ERCC4: variants seen among roughly 807,000 people sequenced by gnomAD.
ERCC4 encodes the protein ERCC excision repair 4, endonuclease catalytic subunit.
In ERCC4, 65 loss-of-function variants were observed where a neutral mutation model predicts 76.9. That is an observed-to-expected ratio of 0.84 (90% CI 0.69 to 1.04). ERCC4 has a LOEUF of 1.04. Ranked by LOEUF, ERCC4 falls within the 50% of genes least tolerant of loss-of-function variation. The probability of loss-of-function intolerance (pLI) is 0.00; values close to 1 mark genes in which losing one functional copy is unlikely to be tolerated. For synonymous variants in ERCC4, 463 were observed against 410.1 expected, an observed-to-expected ratio of 1.13 and a Z score of -1.56; for missense variants, 1,214 against 1,128.2, an observed-to-expected ratio of 1.08 and a Z score of -1.09.
intron 8 of ERCC4, 62 bp downstream of exon 8, chr16:13,935,805 A>C (rs994335643): frequency 3.3e-6 from 4 of 1,197,502 alleles, no homozygotes; most frequent in Admixed American, 1.7e-5. Context: ...CCCAGAAACT[A>C]TACCAGTTGC....
chr16:13,932,371 G>C, intron 6 of ERCC4, 86 bp downstream of exon 6: 1 of 1,266,260 alleles, frequency 7.9e-7, no homozygotes, highest in East Asian at 2.3e-5. Context: ...AGTCTTCTTT[G>C]GCCATGTGAA....
rs180762894 is a variant in ERCC4, at chr16:13,951,518, T to C, written c.*3171T>C. On this transcript the variant is annotated 3_prime_UTR_variant, in exon 11 of 11. Transcript: ENST00000311895. ...AAATATTATCCTTTTGGCAGTAAGC[T>C]ATTACTAATTCAGCCTGAAGCTCGG... The C allele has an allele frequency of 6.6e-5, 14 of 212,074 alleles. No individual in the cohort carries two copies. The East Asian group carries it at 9.3e-4, about 14-fold the overall frequency. 13.1% of individuals were successfully genotyped at this position (212,074 alleles called of 1,614,324 possible).
Position 13,944,783 on chromosome 16 carries a change from C to T in ERCC4, c.1965C>T (p.Asp655=), listed in dbSNP as rs898852658. ...EREGRDETNL[D]LVRGTASADV... ...AAGGCAGAGATGAAACAAACTTAGA[C>T]CTAGTAAGAGGCACAGCATCTGCAG... The change falls in exon 10 of 11, where the codon GAC becomes GAT. Residue 655 remains aspartate (D), a synonymous_variant. Coordinates refer to ENST00000311895, the MANE Select transcript of ERCC4 (RefSeq NM_005236.3). 1 of 1,614,024 alleles carries T rather than the reference C, an allele frequency of 6.2e-7. No homozygotes were observed.
chr16:13,938,907 C>T lies in ERCC4; in HGVS notation c.1904+1049C>T, dbSNP rs186000992. On this transcript the variant is annotated intron_variant, in intron 9 of 10. Coordinates refer to ENST00000311895, the MANE Select transcript of ERCC4 (RefSeq NM_005236.3). ...ATTTGCTGAATCAGTGGCATGGAGT[C>T]CCACGATGGGGGTCAGCATGGTGCA... 3.7e-3 allele frequency among the ~76,000 whole-genome samples: 558 copies of T among 152,242 alleles called. 2 individuals are homozygous for T. Among genetic ancestry groups the T allele is most frequent in the Non-Finnish European group, 5.9e-3 (403 of 68,016 alleles).
In ERCC4 at chr16:13,948,446, T is replaced by C. The variant is rs1028435766; in HGVS notation, c.*99T>C. On this transcript the variant is annotated 3_prime_UTR_variant, in exon 11 of 11. Coordinates refer to ENST00000311895, the MANE Select transcript of ERCC4 (RefSeq NM_005236.3). ...TAATTATTGGTTTGCTATTTCATTCTTTTCCAATGCTCTTAATGATTGTAC... is the reference window on the plus strand; with the variant it reads ...TAATTATTGGTTTGCTATTTCATTCCTTTCCAATGCTCTTAATGATTGTAC... The C allele has an allele frequency of 8.0e-6, 11 of 1,369,712 alleles. No homozygotes were observed. Among genetic ancestry groups the C allele is most frequent in the Non-Finnish European group, 1.0e-5 (10 of 974,080 alleles). The allele number at this position is 1,369,712 out of a possible 1,614,324, so 84.8% of individuals were successfully genotyped here.
intron 3 of ERCC4, among the ~76,000 whole-genome samples, 199 bp downstream of exon 3, chr16:13,926,955 G>A (rs374092262): frequency 6.6e-6 from 1 of 152,126 alleles, no homozygotes; most frequent in African/African-American, 2.4e-5. Context: ...TATTTAAGTC[G>A]AGAGCAATTT....
At chr16:13,933,338 C>A (rs1848887810) in intron 6 of ERCC4, 1 of 156,046 alleles carries the variant, frequency 6.4e-6, no homozygotes, top group Admixed American at 6.5e-5. Flanking sequence ...TCTAGTGATA[C>A]CGTAAATATC....
intron 6 of ERCC4, 130 bp downstream of exon 6, chr16:13,932,415 T>A (rs2032191186): frequency 1.3e-6 from 1 of 792,158 alleles, no homozygotes; most frequent in Non-Finnish European, 2.1e-6. Flanking sequence ...GTATGTATGT[T>A]TGTTATATGT....
At chr16:13,944,513 C>T (rs578239725) in intron 9 of ERCC4, among the ~76,000 whole-genome samples, 15 of 152,170 alleles carry the variant, frequency 9.9e-5, no homozygotes, top group Admixed American at 1.3e-4. Flanking sequence ...AAGTAGTATC[C>T]GACCAAGGCA....
chr16:13,947,183 A>G (rs1341894631), intron 10 of ERCC4, among the ~76,000 whole-genome samples: 2 of 152,198 alleles, frequency 1.3e-5, no homozygotes, highest in Non-Finnish European at 2.9e-5. Flanking sequence ...GGACTCACTG[A>G]TATAAATACA....
intron 1 of ERCC4, 54 bp from the exon 2 acceptor site, chr16:13,921,977 A>G: frequency 5.0e-6 from 6 of 1,211,126 alleles, no homozygotes; most frequent in African/African-American, 1.5e-5. Context: ...TCTGTGACCT[A>G]TTAAAAACTG....
intron 9 of ERCC4, among the ~76,000 whole-genome samples, chr16:13,938,287 C>T (rs931663210): frequency 8.5e-5 from 13 of 152,130 alleles, no homozygotes; most frequent in Middle Eastern, 3.2e-3. Context: ...TACAACACAG[C>T]CAATTATGAT....
At chr16:13,922,738 T>C (rs980020487) in intron 2 of ERCC4, 8 of 339,858 alleles carry the variant, frequency 2.4e-5, no homozygotes, top group African/African-American at 1.5e-4. Flanking sequence ...CTGTCTCCTC[T>C]GCTGAACGCT....
chr16:13,946,744 TTTTGTTTG>T (rs531878168), intron 10 of ERCC4, among the ~76,000 whole-genome samples: 12 of 151,194 alleles, frequency 7.9e-5, no homozygotes, highest in South Asian at 2.1e-4. Context: ...ACATCTGTTT[TTTTGTTTG>T]TTTGTTTGTT....
At position 13,935,326 on chromosome 16, in the gene ERCC4, C is replaced by A. The variant is rs1291427131; in HGVS notation, c.1394C>A (p.Ser465Tyr). The A allele has an allele frequency of 6.2e-7, 1 of 1,613,678 alleles. No homozygotes were observed. The highest frequency in any genetic ancestry group is 1.3e-5 in the African/African-American group (1 of 74,952). Residue 465 changes from serine (S) to tyrosine (Y), a missense_variant, in exon 8 of 11, where the codon TCT (serine) becomes TAT (tyrosine). Ser to Tyr is a moderately radical substitution (Grantham distance 144, BLOSUM62 -2). Coordinates refer to ENST00000311895, the MANE Select transcript of ERCC4 (RefSeq NM_005236.3). ...KEDSSKRIRK[S>Y]HKRPKDPQNK... ...GACAGTTCAAAGAGAATTAGGAAAT[C>A]TCACAAAAGACCTAAAGACCCCCAA...
At chr16:13,922,335 C>A (rs2031994663) in intron 2 of ERCC4, 124 bp downstream of exon 2, 2 of 806,068 alleles carry the variant, frequency 2.5e-6, no homozygotes, top group Non-Finnish European at 4.3e-6. Context: ...CAGCTCCCTA[C>A]ATCACCTTTG....
intron 8 of ERCC4, among the ~76,000 whole-genome samples, chr16:13,936,634 A>G (rs570136936): frequency 1.3e-5 from 2 of 152,360 alleles, no homozygotes; most frequent in Admixed American, 6.5e-5. Flanking sequence ...CACTTACTCT[A>G]TCAACGGGAA....
intron 10 of ERCC4, 26 bp downstream of exon 10, chr16:13,944,861 C>T (rs752125278): frequency 1.4e-6 from 2 of 1,385,834 alleles, no homozygotes; most frequent in East Asian, 2.3e-5. Flanking sequence ...TGTCAGGCAC[C>T]TCCATTGCCT....
At chr16:13,927,822 C>G (rs1290700819) in intron 3 of ERCC4, among the ~76,000 whole-genome samples, 1 of 152,200 alleles carries the variant, frequency 6.6e-6, no homozygotes, top group Non-Finnish European at 1.5e-5. Flanking sequence ...AGTTTGCTGA[C>G]CCTTTCCTTA....
Sources: gnomAD v4.1 joint callset for allele counts (sites outside exome capture counted in the v4.1 genomes callset) on GRCh38, gnomAD v4.1.1 for gene constraint, MANE v1.5 for transcripts, NCBI Gene and HGNC (gene_info 2026-07-23, HGNC 2026-07-21) for gene names.